Variants in LCORL observed in about 807,000 individuals in gnomAD.
LCORL encodes ligand-dependent nuclear receptor corepressor-like protein.
A neutral mutation model predicts 141.8 loss-of-function variants in LCORL; 41 were observed. The ratio of observed to expected loss-of-function variants is 0.29; its 90% CI spans 0.23 to 0.38. LCORL has a LOEUF of 0.38. LCORL is among the 10% of genes least tolerant of loss of function. The probability of loss-of-function intolerance (pLI) is 1.00; values close to 1 mark genes in which losing one functional copy is unlikely to be tolerated. For synonymous variants in LCORL, 618 were observed against 694.1 expected, an observed-to-expected ratio of 0.89 and a Z score of 1.72; for missense variants, 1,759 against 2,035.0, an observed-to-expected ratio of 0.86 and a Z score of 2.61.
intron 5 of LCORL, among the ~76,000 whole-genome samples, chr4:17,898,849 G>C (rs562105369): frequency 1.3e-5 from 2 of 152,218 alleles, no homozygotes; most frequent in South Asian, 4.1e-4. Flanking sequence ...CCTGAAATGG[G>C]ATTGCTAGGT....
chr4:18,006,848 T>A (rs1722897943), intron 1 of LCORL, among the ~76,000 whole-genome samples: 1 of 152,060 alleles, frequency 6.6e-6, no homozygotes, highest in African/African-American at 2.4e-5. Flanking sequence ...CCATATCACA[T>A]ATATTATTAT....
chr4:17,863,117 A>C (rs1725196160), intron 7 of LCORL, among the ~76,000 whole-genome samples: 1 of 152,152 alleles, frequency 6.6e-6, no homozygotes. Flanking sequence ...GGAGTTCGAG[A>C]CCAGCCCGGT....
intron 7 of LCORL, among the ~76,000 whole-genome samples, chr4:17,852,959 C>G (rs1723935432): frequency 6.6e-6 from 1 of 151,526 alleles, no homozygotes; most frequent in Non-Finnish European, 1.5e-5. Context: ...CCGACTCTTA[C>G]AGGAATCAAA....
intron 4 of LCORL, among the ~76,000 whole-genome samples, chr4:17,918,354 C>T (rs1324686179): frequency 1.3e-5 from 2 of 151,822 alleles, no homozygotes; most frequent in African/African-American, 2.4e-5. Flanking sequence ...GGAAAAAGTC[C>T]ACAGAAAATG....
intron 4 of LCORL, 108 bp downstream of exon 4, chr4:17,961,795 T>C (rs955919183): frequency 4.0e-6 from 3 of 756,288 alleles, no homozygotes; most frequent in South Asian, 2.3e-5. Context: ...AAAGAAACAA[T>C]AAAGAGTGAA....
chr4:17,901,006 G>A (rs1441883824), intron 5 of LCORL, among the ~76,000 whole-genome samples: 10 of 151,982 alleles, frequency 6.6e-5, no homozygotes. Context: ...GCCTTGGTTG[G>A]ATTGTGACCC....
chr4:17,906,689 T>G, intron 5 of LCORL, among the ~76,000 whole-genome samples: 1 of 81,190 alleles, frequency 1.2e-5, no homozygotes, highest in East Asian at 2.8e-4. Flanking sequence ...TTAAAATGCC[T>G]TTTTTTTTTT....
intron 4 of LCORL, among the ~76,000 whole-genome samples, chr4:17,945,637 T>A (rs1738754056): frequency 6.6e-6 from 1 of 152,042 alleles, no homozygotes; most frequent in African/African-American, 2.4e-5. Context: ...TAATACCACC[T>A]AATTTAGTAT....
chr4:17,851,865 G>C (rs1723760984), intron 7 of LCORL, among the ~76,000 whole-genome samples: 1 of 152,142 alleles, frequency 6.6e-6, no homozygotes, highest in South Asian at 2.1e-4. Flanking sequence ...TTGAAAATCT[G>C]ATGTTAAAAA....
At chr4:17,912,056 G>T in intron 4 of LCORL, 1 of 691,300 alleles carries the variant, frequency 1.4e-6, no homozygotes, top group South Asian at 1.4e-5. Context: ...GAGAAGAAGG[G>T]ACCCCAGGTC....
intron 2 of LCORL, among the ~76,000 whole-genome samples, chr4:17,972,008 T>C (rs1716048058): frequency 6.6e-6 from 1 of 151,794 alleles, no homozygotes; most frequent in African/African-American, 2.4e-5. Context: ...GATCAAATAT[T>C]AGCATCATTG....
chr4:17,861,207 C>T (rs1560261673), intron 7 of LCORL, among the ~76,000 whole-genome samples: 2 of 152,240 alleles, frequency 1.3e-5, no homozygotes, highest in Non-Finnish European at 2.9e-5. Flanking sequence ...GGGCCCTGCC[C>T]CTGCAGCAAT....
intron 2 of LCORL, among the ~76,000 whole-genome samples, chr4:17,970,366 G>C (rs1171771019): frequency 3.9e-5 from 6 of 152,152 alleles, no homozygotes; most frequent in Non-Finnish European, 5.9e-5. Context: ...TGTTTATGTG[G>C]TATTGCAATT....
intron 5 of LCORL, among the ~76,000 whole-genome samples, chr4:17,902,430 A>G (rs1055243142): frequency 1.3e-5 from 2 of 151,818 alleles, no homozygotes; most frequent in African/African-American, 4.8e-5. Flanking sequence ...TTTCTTCCAC[A>G]TGTTTTTAGC....
chr4:17,877,273 G>C (rs997099613), exon 7 of LCORL: 46 of 1,229,936 alleles, frequency 3.7e-5, no homozygotes, highest in Non-Finnish European at 4.5e-5. Context: ...TTATGCAAGA[G>C]AGATGTTATG....
intron 7 of LCORL, among the ~76,000 whole-genome samples, chr4:17,855,804 C>CA (rs1344462775): frequency 6.6e-6 from 1 of 152,184 alleles, no homozygotes; most frequent in Non-Finnish European, 1.5e-5. Context: ...CCTAGCCTAT[C>CA]TGCCAACCAC....
At chr4:17,923,366 C>A (rs1415887684) in intron 4 of LCORL, among the ~76,000 whole-genome samples, 1 of 152,116 alleles carries the variant, frequency 6.6e-6, no homozygotes, top group East Asian at 1.9e-4. Flanking sequence ...GGGCTCAAGG[C>A]CAGGTACAGT....
At chr4:17,982,099 CGTGTGTGTGTGTGTGTGT>C (rs57094203) in intron 1 of LCORL, among the ~76,000 whole-genome samples, 181 of 136,582 alleles carry the variant, frequency 1.3e-3, no homozygotes, top group Middle Eastern at 3.5e-3. Flanking sequence ...AGTATTCCAT[CGTGTGTGTGTGTGTGTGT>C]GTGTGTGTGT....
At chr4:17,937,747 A>G (rs550288693) in intron 4 of LCORL, among the ~76,000 whole-genome samples, 1 of 152,290 alleles carries the variant, frequency 6.6e-6, no homozygotes, top group East Asian at 1.9e-4. Context: ...AATTCATTAT[A>G]TTATTACTTT....
Sources: gnomAD v4.1 joint callset for allele counts (sites outside exome capture counted in the v4.1 genomes callset) on GRCh38, gnomAD v4.1.1 for gene constraint, MANE v1.5 for transcripts, NCBI Gene and HGNC (gene_info 2026-07-23, HGNC 2026-07-21) for gene names.